KCNH1: variants seen among roughly 807,000 people sequenced by gnomAD.
KCNH1 encodes the protein potassium voltage-gated channel subfamily H member 1, also known as voltage-gated delayed rectifier potassium channel KCNH1.
KCNH1 carries 27 observed loss-of-function variants against 69.2 expected under a neutral mutation model. That is an observed-to-expected ratio of 0.39 (90% CI 0.29 to 0.54). The LOEUF is 0.54. Ranked by LOEUF, KCNH1 falls within the 20% of genes least tolerant of loss-of-function variation. The probability of loss-of-function intolerance (pLI) is 0.68; values close to 1 mark genes in which losing one functional copy is unlikely to be tolerated. For synonymous variants in KCNH1, 456 were observed against 487.7 expected (o/e 0.93, Z 0.86); for missense variants, 798 against 1,261.6 (o/e 0.63, Z 5.57).
intron 7 of KCNH1, among the ~76,000 whole-genome samples, chr1:210,806,806 C>CTAAAAAAA (rs1558477653): frequency 1.2e-5 from 1 of 86,286 alleles, no homozygotes; most frequent in Non-Finnish European, 2.2e-5. Context: ...CCCATCTCTA[C>CTAAAAAAA]CAAAAAAAAA....
At chr1:210,724,276 A>G (rs1682539086) in intron 10 of KCNH1, among the ~76,000 whole-genome samples, 1 of 152,178 alleles carries the variant, frequency 6.6e-6, no homozygotes, top group African/African-American at 2.4e-5. Context: ...AGCCAATTAA[A>G]TCAGAATGTC....
At chr1:211,113,893 C>T (rs376949689) in intron 1 of KCNH1, among the ~76,000 whole-genome samples, 1 of 151,806 alleles carries the variant, frequency 6.6e-6, no homozygotes, top group South Asian at 2.1e-4. Context: ...AGGCAAATAT[C>T]AGACATGAGC....
At chr1:210,873,973 C>A (rs1686310369) in intron 7 of KCNH1, among the ~76,000 whole-genome samples, 1 of 152,120 alleles carries the variant, frequency 6.6e-6, no homozygotes, top group African/African-American at 2.4e-5. Flanking sequence ...ACTGGTCTAA[C>A]TTAGTTTTGA....
chr1:210,997,014 A>G (rs533091004), intron 6 of KCNH1, among the ~76,000 whole-genome samples: 10 of 152,360 alleles, frequency 6.6e-5, no homozygotes, highest in Admixed American at 4.6e-4. Context: ...CCTTCCGTAC[A>G]TCACCATCAT....
intron 1 of KCNH1, among the ~76,000 whole-genome samples, chr1:211,115,027 G>C (rs1157621233): frequency 6.6e-6 from 1 of 151,936 alleles, no homozygotes; most frequent in Non-Finnish European, 1.5e-5. Flanking sequence ...AGAGTGCAGT[G>C]GTGCAATCTC....
At chr1:210,921,516 C>T (rs1250765121) in intron 6 of KCNH1, among the ~76,000 whole-genome samples, 1 of 152,164 alleles carries the variant, frequency 6.6e-6, no homozygotes, top group Admixed American at 6.5e-5. Context: ...GGAAAATGTA[C>T]ACAAGCTTTT....
At chr1:211,106,040 G>C (rs1330512852) in intron 2 of KCNH1, among the ~76,000 whole-genome samples, 1 of 152,122 alleles carries the variant, frequency 6.6e-6, no homozygotes, top group Non-Finnish European at 1.5e-5. Flanking sequence ...AATGTAAAGT[G>C]ACATGGCTGA....
At chr1:210,715,544 A>G (rs1682209112) in intron 10 of KCNH1, among the ~76,000 whole-genome samples, 1 of 151,586 alleles carries the variant, frequency 6.6e-6, no homozygotes, top group Non-Finnish European at 1.5e-5. Context: ...TAATGGGATT[A>G]GTTTGGCTTG....
At chr1:210,984,056 T>C (rs988397695) in intron 6 of KCNH1, among the ~76,000 whole-genome samples, 4 of 152,214 alleles carry the variant, frequency 2.6e-5, no homozygotes, top group Admixed American at 2.6e-4. Context: ...AGTTCACTCA[T>C]GATTTGGCTC....
intron 6 of KCNH1, among the ~76,000 whole-genome samples, chr1:210,936,740 GA>G (rs1687781725): frequency 6.6e-6 from 1 of 152,166 alleles, no homozygotes; most frequent in South Asian, 2.1e-4. Context: ...TAATGTCCAT[GA>G]GGAAAAATCA....
chr1:210,787,162 T>A (rs905239589), intron 9 of KCNH1, among the ~76,000 whole-genome samples: 1 of 100,724 alleles, frequency 9.9e-6, no homozygotes, highest in African/African-American at 4.3e-5. Flanking sequence ...TGGAACTACT[T>A]TTTTTTTTTT....
At chr1:210,936,122 A>C (rs531476398) in intron 6 of KCNH1, among the ~76,000 whole-genome samples, 1 of 152,370 alleles carries the variant, frequency 6.6e-6, no homozygotes, top group East Asian at 1.9e-4. Flanking sequence ...TAGTTCTGAC[A>C]GGCTTCCAGG....
intron 7 of KCNH1, among the ~76,000 whole-genome samples, chr1:210,837,428 A>G (rs1220962576): frequency 6.6e-6 from 1 of 152,172 alleles, no homozygotes; most frequent in Non-Finnish European, 1.5e-5. Flanking sequence ...GTTATCACCA[A>G]CGATTAGTGC....
At chr1:210,717,755 CA>C (rs1682296019) in intron 10 of KCNH1, among the ~76,000 whole-genome samples, 1 of 152,118 alleles carries the variant, frequency 6.6e-6, no homozygotes, top group Non-Finnish European at 1.5e-5. Context: ...AACACAAGCA[CA>C]AATGTGAGCC....
intron 7 of KCNH1, among the ~76,000 whole-genome samples, chr1:210,830,388 G>A (rs1274875573): frequency 2.6e-5 from 4 of 152,180 alleles, no homozygotes; most frequent in Non-Finnish European, 5.9e-5. Context: ...AAGCGTCTGT[G>A]TTTGCCTTGC....
chr1:211,086,584 A>G (rs1297223018), intron 4 of KCNH1, among the ~76,000 whole-genome samples: 1 of 152,202 alleles, frequency 6.6e-6, no homozygotes, highest in Non-Finnish European at 1.5e-5. Flanking sequence ...TACACAATCT[A>G]GCAATCAGTT....
intron 1 of KCNH1, among the ~76,000 whole-genome samples, chr1:211,123,051 A>T (rs1395455829): frequency 6.6e-6 from 1 of 152,234 alleles, no homozygotes; most frequent in African/African-American, 2.4e-5. Context: ...TGTTTAATAC[A>T]ACAAATATTT....
intron 5 of KCNH1, among the ~76,000 whole-genome samples, chr1:211,043,933 A>G (rs182641675): frequency 4.1e-4 from 63 of 152,302 alleles, no homozygotes; most frequent in African/African-American, 1.5e-3. Context: ...CATACAAGGG[A>G]CATACCTTAA....
intron 3 of KCNH1, 34 bp downstream of exon 3, chr1:211,103,462 T>A: frequency 7.4e-7 from 1 of 1,359,782 alleles, no homozygotes. Flanking sequence ...TTCAAACACA[T>A]AAAGGTATGG....
Sources: gnomAD v4.1 joint callset for allele counts (sites outside exome capture counted in the v4.1 genomes callset) on GRCh38, gnomAD v4.1.1 for gene constraint, MANE v1.5 for transcripts, NCBI Gene and HGNC (gene_info 2026-07-23, HGNC 2026-07-21) for gene names.